The following AK5 variants were observed in gnomAD, a reference collection of about 807,000 sequenced individuals.
AK5 encodes the protein adenylate kinase 5, also known as adenylate kinase isoenzyme 5.
AK5 carries 27 observed loss-of-function variants against 69.5 expected under a neutral mutation model. The observed-to-expected ratio is 0.39, with a 90% confidence interval of 0.29 to 0.54. The LOEUF (loss-of-function observed/expected upper bound fraction) is 0.54. AK5 is among the 20% of genes least tolerant of loss of function. AK5 has a pLI of 0.71. For missense variants in AK5, 531 were observed against 700.4 expected (o/e 0.76, Z 2.73); for synonymous variants, 260 against 244.4 (o/e 1.06, Z -0.60).
chr1:77,476,971 A>G (rs1195811073), intron 8 of AK5, among the ~76,000 whole-genome samples: 1 of 150,612 alleles, frequency 6.6e-6, no homozygotes, highest in African/African-American at 2.4e-5. Flanking sequence ...AAGATGAGGA[A>G]ATAGCCTGAT....
chr1:77,414,778 C>A (rs992132854), intron 7 of AK5, among the ~76,000 whole-genome samples: 2 of 152,142 alleles, frequency 1.3e-5, no homozygotes, highest in Non-Finnish European at 2.9e-5. Context: ...GTAACAATAT[C>A]ATTGCAGTTG....
intron 10 of AK5, among the ~76,000 whole-genome samples, chr1:77,509,199 A>C (rs928538912): frequency 2.0e-5 from 3 of 152,220 alleles, no homozygotes; most frequent in Non-Finnish European, 4.4e-5. Flanking sequence ...GGCACTGATA[A>C]ATAAGGCATG....
intron 6 of AK5, among the ~76,000 whole-genome samples, chr1:77,364,746 G>A (rs1019946517): frequency 6.6e-6 from 1 of 152,144 alleles, no homozygotes; most frequent in Non-Finnish European, 1.5e-5. Flanking sequence ...GATGTGTATA[G>A]GACATTTAGT....
intron 8 of AK5, among the ~76,000 whole-genome samples, chr1:77,428,975 G>A (rs1002712508): frequency 6.6e-5 from 10 of 152,102 alleles, no homozygotes; most frequent in Non-Finnish European, 2.9e-5. Flanking sequence ...GTGTATATGT[G>A]CCTTTTCTTA....
chr1:77,351,927 C>CTTTTTTTTTTTTTT (rs10658959), intron 6 of AK5, among the ~76,000 whole-genome samples: 7 of 138,168 alleles, frequency 5.1e-5, no homozygotes, highest in Non-Finnish European at 4.6e-5. Flanking sequence ...GCAAGTAATT[C>CTTTTTTTTTTTTTT]TTTTTTTTTT....
intron 9 of AK5, among the ~76,000 whole-genome samples, chr1:77,484,159 C>CAAA (rs35490046): frequency 4.1e-5 from 5 of 123,240 alleles, no homozygotes; most frequent in Non-Finnish European, 6.8e-5. Flanking sequence ...GACTACGTCT[C>CAAA]AAAAAAAAAA....
At chr1:77,448,602 T>C (rs1652904646) in intron 8 of AK5, among the ~76,000 whole-genome samples, 1 of 152,228 alleles carries the variant, frequency 6.6e-6, no homozygotes, top group South Asian at 2.1e-4. Flanking sequence ...TCCAGTTTTC[T>C]GCATACCTCA....
intron 10 of AK5, 139 bp downstream of exon 10, chr1:77,486,491 C>A (rs188326344): frequency 1.5e-5 from 8 of 516,324 alleles, no homozygotes; most frequent in Non-Finnish European, 2.7e-5. Flanking sequence ...GTCAGGAGAT[C>A]GAGACCATCC....
rs191842901 is a variant in AK5 at position 77,286,422 on chromosome 1, A to G, written c.61-519A>G. Among the ~76,000 whole-genome samples the G allele has an allele frequency of 7.5e-4, 113 of 151,006 alleles. 1 individual carries two copies. Among genetic ancestry groups the G allele is most frequent in the African/African-American group, 2.6e-3 (108 of 41,006 alleles). On this transcript the variant is annotated intron_variant, in intron 1 of 13. Coordinates refer to ENST00000354567, the MANE Select transcript of AK5 (RefSeq NM_174858.3). ...GAGAATGCTGAACTGAAAACTAATT[A>G]GGCAAGAATTTAAGGGATTATCTTA...
Position 77,439,892 on chromosome 1 carries a change from A to C in AK5, c.1059+22177A>C, listed in dbSNP as rs564319603. On this transcript the variant is annotated intron_variant, in intron 8 of 13. Coordinates refer to ENST00000354567, the MANE Select transcript of AK5 (RefSeq NM_174858.3). ...CTCAGGTTGATTCCATATCTTTGTT[A>C]TTGTAAACAGTGCTGCAATAAACTT... 1.1e-4 allele frequency among the ~76,000 whole-genome samples: 16 copies of C among 151,306 alleles called. 1 individual carries two copies. The South Asian group carries it at 3.3e-3, about 32-fold the overall frequency.
intron 13 of AK5, among the ~76,000 whole-genome samples, chr1:77,550,834 A>G (rs958048793): frequency 5.3e-5 from 8 of 152,292 alleles, no homozygotes; most frequent in African/African-American, 1.7e-4. Context: ...AGAGTAGATA[A>G]AAGGTTTTGT....
intron 10 of AK5, among the ~76,000 whole-genome samples, chr1:77,516,747 G>A (rs745688500): frequency 1.6e-4 from 24 of 151,924 alleles, no homozygotes; most frequent in Admixed American, 1.2e-3. Flanking sequence ...TGTGTTAGTT[G>A]GACATGACAG....
intron 8 of AK5, among the ~76,000 whole-genome samples, chr1:77,450,941 C>T (rs535756864): frequency 5.3e-5 from 8 of 152,140 alleles, no homozygotes; most frequent in South Asian, 2.1e-4. Context: ...TTTTGGAGGT[C>T]GAAGCAGGAG....
chr1:77,314,020 T>G (rs1487113691), intron 5 of AK5: 1 of 395,046 alleles, frequency 2.5e-6, no homozygotes, highest in African/African-American at 2.1e-5. Context: ...AATAATAAAA[T>G]AATTGTAGTC....
chr1:77,375,133 T>G (rs1344626454), intron 6 of AK5, among the ~76,000 whole-genome samples: 1 of 152,184 alleles, frequency 6.6e-6, no homozygotes. Context: ...TAGAGACACT[T>G]GAAGATACTT....
At chr1:77,506,017 G>A (rs1657003267) in intron 10 of AK5, among the ~76,000 whole-genome samples, 4 of 152,308 alleles carry the variant, frequency 2.6e-5, no homozygotes, top group Admixed American at 6.5e-5. Flanking sequence ...GAAAAATGGT[G>A]TGTTTAAAAA....
rs140647486 is a variant in AK5 at position 77,522,716 on chromosome 1, C to A, written c.1428+773C>A. ...GTATTGAACCCACTCTGGGCCAGAT[C>A]CTGTGCCCACACTTTATAGAGAGTA... is the stretch of plus-strand genomic sequence containing the variant. On this transcript the variant is annotated intron_variant, in intron 12 of 13. Transcript: ENST00000354567. Among the ~76,000 whole-genome samples the A allele has an allele frequency of 9.7e-4, 147 of 152,250 alleles. 1 individual carries two copies. Among genetic ancestry groups the A allele is most frequent in the African/African-American group, 3.3e-3 (136 of 41,552 alleles).
At chr1:77,430,960 A>T (rs962030456) in intron 8 of AK5, among the ~76,000 whole-genome samples, 1 of 152,182 alleles carries the variant, frequency 6.6e-6, no homozygotes, top group Admixed American at 6.5e-5. Flanking sequence ...AAGAGAGAGG[A>T]AAGTCTATCT....
At chr1:77,431,676 A>G (rs2100612879) in intron 8 of AK5, among the ~76,000 whole-genome samples, 1 of 152,302 alleles carries the variant, frequency 6.6e-6, no homozygotes, top group African/African-American at 2.4e-5. Flanking sequence ...AGAATATTTG[A>G]TCCTAGCAAA....
Sources: gnomAD v4.1 joint callset for allele counts (sites outside exome capture counted in the v4.1 genomes callset) on GRCh38, gnomAD v4.1.1 for gene constraint, MANE v1.5 for transcripts, NCBI Gene and HGNC (gene_info 2026-07-23, HGNC 2026-07-21) for gene names.